KIF1B: variants seen among roughly 807,000 people sequenced by gnomAD.
KIF1B encodes the protein kinesin-like protein KIF1B.
In KIF1B, 76 loss-of-function variants were observed where a neutral mutation model predicts 241.9. The ratio of observed to expected loss-of-function variants is 0.31; its 90% CI spans 0.26 to 0.38. KIF1B has a LOEUF of 0.38. Ranked by LOEUF, KIF1B falls within the 10% of genes least tolerant of loss-of-function variation. KIF1B has a pLI of 1.00. For synonymous variants in KIF1B, 750 were observed against 796.7 expected, an observed-to-expected ratio of 0.94 and a Z score of 0.99; for missense variants, 1,622 against 2,271.4, an observed-to-expected ratio of 0.71 and a Z score of 5.81.
intron 43 of KIF1B, among the ~76,000 whole-genome samples, chr1:10,367,695 C>T (rs1053187556): frequency 3.3e-5 from 5 of 151,366 alleles, no homozygotes; most frequent in Admixed American, 6.6e-5. Flanking sequence ...CCACCATGCC[C>T]AGCTCATTTT....
chr1:10,359,893 C>T (rs924599442), intron 38 of KIF1B, among the ~76,000 whole-genome samples: 1 of 151,688 alleles, frequency 6.6e-6, no homozygotes, highest in Non-Finnish European at 1.5e-5. Context: ...AATTAGCTGG[C>T]GTAGTGGTGC....
intron 45 of KIF1B, among the ~76,000 whole-genome samples, chr1:10,372,664 C>T (rs1569926422): frequency 1.6e-5 from 2 of 122,350 alleles, no homozygotes; most frequent in Non-Finnish European, 3.4e-5. Context: ...GGTGACAGAG[C>T]TGTCACCCAA....
At chr1:10,246,675 C>T (rs953696457) in intron 2 of KIF1B, among the ~76,000 whole-genome samples, 5 of 152,010 alleles carry the variant, frequency 3.3e-5, no homozygotes, top group Admixed American at 6.6e-5. Flanking sequence ...ACCTGGGAGG[C>T]GAAGTTTGCA....
chr1:10,372,569 TG>T (rs1190189887), intron 45 of KIF1B, among the ~76,000 whole-genome samples: 1 of 148,754 alleles, frequency 6.7e-6, no homozygotes, highest in East Asian at 2.1e-4. Context: ...TCCCAGCTAC[TG>T]GGGAGGCTGA....
At chr1:10,357,224 T>C (rs1042421425) in intron 38 of KIF1B, among the ~76,000 whole-genome samples, 16 of 152,194 alleles carry the variant, frequency 1.1e-4, no homozygotes, top group African/African-American at 3.9e-4. Flanking sequence ...TTCAAAGGAA[T>C]ATATCCTTCA....
At position 10,339,796 on chromosome 1, in the gene KIF1B, C is replaced by T; in HGVS notation, c.3450C>T (p.Phe1150=). The T allele has an allele frequency of 6.2e-7, 1 of 1,614,012 alleles. No homozygotes were observed. Among genetic ancestry groups the T allele is most frequent in the East Asian group, 2.2e-5 (1 of 44,874 alleles). ...TTTTGCATCGCCATGATGAAGCATT[C>T]TCCACGGAGCCCCTCAAAAACAATG... ...FNFLHRHDEA[F]STEPLKNNGR... The change falls in exon 32 of 49, where the codon TTC becomes TTT. Residue 1150 remains phenylalanine (F), a synonymous_variant. Coordinates refer to ENST00000676179, the MANE Select transcript of KIF1B (RefSeq NM_001365951.3).
intron 22 of KIF1B, chr1:10,304,353 T>C (rs1650711660): frequency 6.2e-7 from 1 of 1,614,128 alleles, no homozygotes; most frequent in African/African-American, 1.3e-5. Flanking sequence ...CTCTCAATAA[T>C]GGCCAGCCGA....
chr1:10,319,778 AG>A (rs1416370751), intron 22 of KIF1B, among the ~76,000 whole-genome samples: 1 of 152,214 alleles, frequency 6.6e-6, no homozygotes, highest in Admixed American at 6.5e-5. Flanking sequence ...CCCCAGATGA[AG>A]AACTCTTGAG....
At chr1:10,221,288 G>A (rs1278602274) in intron 1 of KIF1B, among the ~76,000 whole-genome samples, 1 of 151,610 alleles carries the variant, frequency 6.6e-6, no homozygotes, top group East Asian at 1.9e-4. Context: ...AGCAGAGATG[G>A]CATTTCACCA....
chr1:10,307,683 A>G (rs1441380853), intron 22 of KIF1B: 1 of 1,020,752 alleles, frequency 9.8e-7, no homozygotes, highest in Non-Finnish European at 1.2e-6. Flanking sequence ...CATAATTTAA[A>G]CCATTATTAT....
chr1:10,342,906 T>C (rs1227017457), intron 33 of KIF1B, among the ~76,000 whole-genome samples: 3 of 152,214 alleles, frequency 2.0e-5, no homozygotes, highest in African/African-American at 7.2e-5. Context: ...AATAATTACG[T>C]TCATCTTAAT....
Position 10,301,147 on chromosome 1 carries a change from A to C in KIF1B, c.2115+3901A>C, listed in dbSNP as rs569106994. Among the ~76,000 whole-genome samples the C allele has an allele frequency of 5.3e-5, 8 of 152,248 alleles. No homozygotes were observed. In the East Asian group the frequency reaches 1.5e-3, roughly 29 times the overall value. Reference sequence around the variant, plus strand: ...AGACCAGTTTGGGTCCCTGTCTCAAAAAACAAAGCAAACAAAGAAACAAAC... The same window carrying C: ...AGACCAGTTTGGGTCCCTGTCTCAACAAACAAAGCAAACAAAGAAACAAAC... On this transcript the variant is annotated intron_variant, in intron 22 of 48. Transcript: ENST00000676179.
intron 2 of KIF1B, among the ~76,000 whole-genome samples, chr1:10,251,414 G>A (rs1460177739): frequency 4.0e-5 from 6 of 151,272 alleles, no homozygotes; most frequent in African/African-American, 7.3e-5. Flanking sequence ...AGAATTGGTA[G>A]CTAAAAGGCT....
rs527630189 is a variant in KIF1B at position 10,220,141 on chromosome 1, A to ACGGTGAGCCGAGAT, written c.-80+9266_-80+9279dup. On this transcript the variant is annotated intron_variant, in intron 1 of 48. Transcript: ENST00000676179. ...CACTTGAACCCGGGAGGTGGAGGTT[A>ACGGTGAGCCGAGAT]CGGTGAGCCGAGATCGCGAGCCATT... Among the ~76,000 whole-genome samples, 451 of 150,430 alleles carry ACGGTGAGCCGAGAT rather than the reference A, an allele frequency of 3.0e-3. 4 individuals carry two copies. Among genetic ancestry groups the ACGGTGAGCCGAGAT allele is most frequent in the African/African-American group, 0.01 (421 of 40,990 alleles).
At chr1:10,253,536 C>T (rs747294392) in intron 2 of KIF1B, among the ~76,000 whole-genome samples, 10 of 151,952 alleles carry the variant, frequency 6.6e-5, no homozygotes, top group Non-Finnish European at 1.5e-4. Context: ...CCATCTACTC[C>T]AGAGGCTGAG....
At chr1:10,356,643 C>T (rs886828599) in intron 38 of KIF1B, among the ~76,000 whole-genome samples, 3 of 150,824 alleles carry the variant, frequency 2.0e-5, no homozygotes, top group African/African-American at 7.3e-5. Flanking sequence ...GGCTCACACC[C>T]GTAATCCCAG....
At chr1:10,280,162 G>C (rs924164614) in intron 14 of KIF1B, among the ~76,000 whole-genome samples, 1 of 152,000 alleles carries the variant, frequency 6.6e-6, no homozygotes, top group Non-Finnish European at 1.5e-5. Context: ...TCAAGAAATT[G>C]TTATCTTAGA....
At chr1:10,375,173 T>C in intron 47 of KIF1B, 82 bp from the exon 48 acceptor site, 1 of 1,453,332 alleles carries the variant, frequency 6.9e-7, no homozygotes. Context: ...TGTGAAGTGC[T>C]ATATGCCTTG....
In KIF1B at chr1:10,292,459, C is replaced by T. The variant is rs1415188751; in HGVS notation, c.1590+337C>T. ...GTACTTTCAGTTTTGGCTACTCTTT[C>T]ATGTAGATTTTCCCACAGAAGTCGT... On this transcript the variant is annotated intron_variant, in intron 17 of 48. Transcript: ENST00000676179. 5 of 307,108 alleles carry T rather than the reference C, an allele frequency of 1.6e-5. No homozygotes were observed. In the East Asian group the frequency reaches 4.0e-4, roughly 25 times the overall value. 19.0% of individuals were successfully genotyped at this position (307,108 alleles called of 1,614,324 possible).
Sources: allele counts gnomAD v4.1 joint callset (sites outside exome capture counted in the v4.1 genomes callset), GRCh38; gene constraint gnomAD v4.1.1; transcripts MANE v1.5; gene names NCBI Gene and HGNC (gene_info 2026-07-23, HGNC 2026-07-21).